The following PAX7 variants were observed in gnomAD, a reference collection of about 807,000 sequenced individuals.
PAX7 encodes the protein paired box protein Pax-7.
Under a neutral mutation model 50.7 loss-of-function variants are expected in PAX7, and 18 were observed. The ratio of observed to expected loss-of-function variants is 0.36; its 90% CI spans 0.25 to 0.53. The LOEUF (loss-of-function observed/expected upper bound fraction) is 0.53, where lower values mean the gene tolerates loss of function less well. PAX7 is among the 20% of genes least tolerant of loss of function. The probability of loss-of-function intolerance (pLI) is 0.93; values close to 1 mark genes in which losing one functional copy is unlikely to be tolerated. For missense variants in PAX7, 644 were observed against 702.9 expected (o/e 0.92, Z 0.95); for synonymous variants, 310 against 290.4 (o/e 1.07, Z -0.69).
chr1:18,647,667 C>A (rs1010734241), intron 4 of PAX7, among the ~76,000 whole-genome samples: 1 of 152,170 alleles, frequency 6.6e-6, no homozygotes. Flanking sequence ...GCTATAATTA[C>A]GTAAAGTACA....
chr1:18,722,321 C>T (rs1487980071), intron 7 of PAX7, among the ~76,000 whole-genome samples: 1 of 152,082 alleles, frequency 6.6e-6, no homozygotes. Flanking sequence ...ATCGCCTTTC[C>T]AGCCTGCATC....
intron 4 of PAX7, among the ~76,000 whole-genome samples, chr1:18,662,726 A>G (rs1428924403): frequency 6.6e-6 from 1 of 152,080 alleles, no homozygotes; most frequent in East Asian, 1.9e-4. Context: ...ACACGCCATC[A>G]TGCTCAGTTA....
chr1:18,731,249 G>A (rs1182249539), intron 7 of PAX7, among the ~76,000 whole-genome samples: 2 of 152,168 alleles, frequency 1.3e-5, no homozygotes, highest in East Asian at 3.9e-4. Context: ...AATGCTTCCT[G>A]CTTCTGCAGG....
chr1:18,682,442 T>C (rs910146030), intron 4 of PAX7, among the ~76,000 whole-genome samples: 1 of 152,170 alleles, frequency 6.6e-6, no homozygotes, highest in African/African-American at 2.4e-5. Context: ...AGGAGCCATG[T>C]TGCCCCCTTT....
At chr1:18,687,694 G>A (rs928964343) in intron 4 of PAX7, among the ~76,000 whole-genome samples, 4 of 152,080 alleles carry the variant, frequency 2.6e-5, no homozygotes, top group Admixed American at 6.5e-5. Flanking sequence ...TCTGGATCTC[G>A]GTGGGCAGTG....
chr1:18,670,752 G>A (rs907412930), intron 4 of PAX7, among the ~76,000 whole-genome samples: 8 of 152,172 alleles, frequency 5.3e-5, no homozygotes, highest in Admixed American at 1.3e-4. Context: ...ACGACAGCCC[G>A]GGCCCGTGCG....
At position 18,636,308 on chromosome 1, in the gene PAX7, A is replaced by C. The variant is rs765140824; in HGVS notation, c.523A>C (p.Lys175Gln). The change falls in exon 4 of 9, where the codon AAG becomes CAG. Residue 175 changes from lysine (K) to glutamine (Q), a missense_variant. By Grantham distance (53) the Lys-to-Gln change is moderately conservative. Transcript: ENST00000420770. The surrounding 1 kb of genome is among the most constrained non-coding windows in gnomAD (Gnocchi z 5.1). ...GAAAGAGGAGGAGGATGAAGCGGAC[A>C]AGAAGGAGGACGACGGCGAAAAGAA... ...GKKEEEDEAD[K>Q]KEDDGEKKAK... The C allele has an allele frequency of 6.2e-7, 1 of 1,614,218 alleles. No individual in the cohort carries two copies.
At chr1:18,720,332 C>G (rs886137487) in intron 7 of PAX7, among the ~76,000 whole-genome samples, 1 of 152,174 alleles carries the variant, frequency 6.6e-6, no homozygotes, top group South Asian at 2.1e-4. Flanking sequence ...CAAATCCTTC[C>G]GAGGCCCAGA....
chr1:18,671,337 C>G (rs567200541), intron 4 of PAX7, among the ~76,000 whole-genome samples: 1 of 152,332 alleles, frequency 6.6e-6, no homozygotes, highest in Non-Finnish European at 1.5e-5. Flanking sequence ...GTGAAACCTC[C>G]TTGAGACATT....
At chr1:18,724,876 C>G (rs762215291) in intron 7 of PAX7, among the ~76,000 whole-genome samples, 5 of 152,204 alleles carry the variant, frequency 3.3e-5, no homozygotes, top group Non-Finnish European at 4.4e-5. Flanking sequence ...CACACAGCTA[C>G]GCAGCCACAT....
chr1:18,680,969 A>G (rs1397727167), intron 4 of PAX7, among the ~76,000 whole-genome samples: 2 of 151,982 alleles, frequency 1.3e-5, no homozygotes, highest in Non-Finnish European at 2.9e-5. Flanking sequence ...GGAGTTCAAG[A>G]CCAGCCTGAC....
Position 18,631,287 on chromosome 1 carries a change from C to T in PAX7, c.-317C>T, listed in dbSNP as rs1449901998. 7.1e-6 allele frequency: 2 copies of T among 283,594 alleles called. No individual in the cohort carries two copies. The highest frequency in any genetic ancestry group is 4.9e-5 in the Admixed American group (1 of 20,248). The allele number at this position is 283,594 out of a possible 1,614,324, so 17.6% of individuals were successfully genotyped here. On this transcript the variant is annotated 5_prime_UTR_variant, in exon 1 of 9. Coordinates refer to ENST00000420770, the MANE Select transcript of PAX7 (RefSeq NM_001135254.2). ...CCGGGTTCTGCCAGGCGCATCAGCC[C>T]GCACAACTTCTGGCCGAGGCCAGCC...
chr1:18,642,294 C>T (rs957514209), intron 4 of PAX7, among the ~76,000 whole-genome samples: 27 of 152,016 alleles, frequency 1.8e-4, no homozygotes, highest in African/African-American at 6.0e-4. Context: ...GGCAAGAGCA[C>T]CTAAGGATAT....
chr1:18,658,961 T>A (rs1303073908), intron 4 of PAX7, among the ~76,000 whole-genome samples: 1 of 152,120 alleles, frequency 6.6e-6, no homozygotes, highest in Non-Finnish European at 1.5e-5. Flanking sequence ...TGCACGTATA[T>A]GTGTGTGTGT....
intron 4 of PAX7, among the ~76,000 whole-genome samples, chr1:18,680,333 C>T (rs1407707718): frequency 6.6e-6 from 1 of 152,102 alleles, no homozygotes; most frequent in Admixed American, 6.6e-5. Context: ...TGGATGAGCC[C>T]AGAGTGCCAA....
intron 4 of PAX7, among the ~76,000 whole-genome samples, chr1:18,665,915 G>A (rs28719554): frequency 4.0e-5 from 6 of 150,648 alleles, no homozygotes; most frequent in South Asian, 4.2e-4. Context: ...CTGGTGATCC[G>A]CCTGCTTCAG....
At chr1:18,639,123 G>A (rs915123589) in intron 4 of PAX7, among the ~76,000 whole-genome samples, 11 of 152,102 alleles carry the variant, frequency 7.2e-5, no homozygotes, top group Non-Finnish European at 1.5e-4. Flanking sequence ...CCTATCGTCC[G>A]CTTGGCATTT....
rs899158603 is a variant in PAX7, at chr1:18,744,797, T to G, written c.1403-17T>G. 1 of 1,461,596 alleles carries G rather than the reference T, an allele frequency of 6.8e-7. No individual in the cohort carries two copies. The highest frequency in any genetic ancestry group is 9.4e-7 in the Non-Finnish European group (1 of 1,065,244). The allele number at this position is 1,461,596 out of a possible 1,614,324, so 90.5% of individuals were successfully genotyped here. On this transcript the variant is annotated splice_polypyrimidine_tract_variant and intron_variant, in intron 8 of 8. Coordinates refer to ENST00000420770, the MANE Select transcript of PAX7 (RefSeq NM_001135254.2). ...AAAAGAACCTCAATTTCTAGGAGAGTCTCTTCTTTTTTCCAGCTGCTGTTG... is the reference window on the plus strand; with the variant it reads ...AAAAGAACCTCAATTTCTAGGAGAGGCTCTTCTTTTTTCCAGCTGCTGTTG...
intron 5 of PAX7, among the ~76,000 whole-genome samples, chr1:18,693,263 G>A (rs1174103567): frequency 6.6e-6 from 1 of 152,170 alleles, no homozygotes; most frequent in Non-Finnish European, 1.5e-5. Context: ...GCCAGCCTTT[G>A]CCCGGCACCC....
Sources: gnomAD v4.1 joint callset for allele counts (sites outside exome capture counted in the v4.1 genomes callset) on GRCh38, gnomAD v4.1.1 for gene constraint, Gnocchi (gnomAD v3.1) non-coding constraint, MANE v1.5 for transcripts, NCBI Gene and HGNC (gene_info 2026-07-23, HGNC 2026-07-21) for gene names.